INPP5E: variants seen among roughly 807,000 people sequenced by gnomAD.
The protein encoded by INPP5E is phosphatidylinositol polyphosphate 5-phosphatase type IV.
A neutral mutation model predicts 50.5 loss-of-function variants in INPP5E; 34 were observed. The observed-to-expected ratio is 0.67, with a 90% CI of 0.51 to 0.90. The LOEUF is 0.90. Among genes scored for constraint, INPP5E ranks in the 40% least tolerant of loss-of-function variants. The pLI is 0.00. For missense variants in INPP5E, 942 were observed against 905.5 expected (o/e 1.04, Z -0.52); for synonymous variants, 447 against 406.0 (o/e 1.10, Z -1.21).
chr9:136,432,513 A>G lies in INPP5E; in HGVS notation c.1353T>C (p.Asn451=). 2 of 1,551,652 alleles carry G rather than the reference A, an allele frequency of 1.3e-6. No individual in the cohort carries two copies. Among genetic ancestry groups the G allele is most frequent in the Non-Finnish European group, 1.7e-6 (2 of 1,147,358 alleles). Residue 451 remains asparagine, a synonymous_variant, in exon 6 of 10, where the codon AAT becomes AAC. Coordinates refer to ENST00000371712, the MANE Select transcript of INPP5E (RefSeq NM_019892.6). The stretch of plus-strand genomic sequence containing the variant: ...AGCGATAGGGGTTGGTGTCGGGCAC[A>G]TTTCTGGGCAGGACCAGGGCTTGTA... ...RTVQALVLPR[N]VPDTNPYRSS...
Position 136,434,120 on chromosome 9 carries a change from G to A in INPP5E, c.951C>T (p.Ser317=). 6.2e-7 allele frequency: 1 copy of A among 1,608,378 alleles called. No homozygotes were observed. Among genetic ancestry groups the A allele is most frequent in the South Asian group, 1.1e-5 (1 of 90,314 alleles). ...CGGCTGGGAGCAGGAACTCGTCCAG[G>A]CTGGGCGGGAGCTCCTGGAAGGAGG... The part of the protein sequence containing the change: ...NMQGQKELPP[S]LDEFLLPAEA... Residue 317 remains serine (S), a synonymous_variant, in exon 3 of 10, where the codon AGC becomes AGT. Coordinates refer to ENST00000371712, the MANE Select transcript of INPP5E (RefSeq NM_019892.6).
In INPP5E at chr9:136,432,866, C is replaced by A. The variant is rs888637785; in HGVS notation, c.1279+90G>T. On this transcript the variant is annotated intron_variant, in intron 5 of 9. Transcript: ENST00000371712. The stretch of plus-strand genomic sequence containing the variant: ...GGCCCTGGGTGGAAGATGAAGCCAG[C>A]GGTCAGGACCCCTGCCTTGGACAGG... The A allele has an allele frequency of 1.4e-4, 216 of 1,491,562 alleles. 1 individual carries two copies. In the East Asian group the frequency reaches 5.2e-3, roughly 36 times the overall value. The allele number at this position is 1,491,562 out of a possible 1,614,324, so 92.4% of individuals were successfully genotyped here. A position where few individuals can be genotyped will look rare whatever the true frequency, so the allele number is the denominator to read the frequency against.
chr9:136,432,835 C>G, intron 5 of INPP5E, 121 bp downstream of exon 5: 1 of 1,345,462 alleles, frequency 7.4e-7, no homozygotes, highest in African/African-American at 1.4e-5. Context: ...GTGGTGCCCA[C>G]CCCACGGCCC....
In INPP5E at chr9:136,439,661, G is replaced by T. The variant is rs1196871880; in HGVS notation, c.-242C>A. On this transcript the variant is annotated 5_prime_UTR_variant, in exon 1 of 10. Coordinates refer to ENST00000371712, the MANE Select transcript of INPP5E (RefSeq NM_019892.6). ...GGCGGTCCGCAGGCAAGGCCTGGGG[G>T]AACAGGCGGCTGGGCGCCTGTCGCG... The T allele has an allele frequency of 8.8e-6, 3 of 341,850 alleles. No individual in the cohort carries two copies. The highest frequency in any genetic ancestry group is 4.4e-5 in the East Asian group (1 of 22,618). 21.2% of individuals were successfully genotyped at this position (341,850 alleles called of 1,614,324 possible).
intron 6 of INPP5E, 77 bp from the exon 7 acceptor site, chr9:136,432,062 G>GGA: frequency 6.3e-7 from 1 of 1,581,052 alleles, no homozygotes; most frequent in Non-Finnish European, 8.7e-7. Flanking sequence ...CATGGCCTGG[G>GGA]AGTGGCTCTC....
rs1022525904 is a variant in INPP5E, at chr9:136,431,192, C to T, written c.1550-75G>A. 3.5e-5 allele frequency: 31 copies of T among 897,822 alleles called. 1 individual carries two copies. Among genetic ancestry groups the T allele is most frequent in the Middle Eastern group, 2.9e-4 (1 of 3,404 alleles). The allele number at this position is 897,822 out of a possible 1,614,324, so 55.6% of individuals were successfully genotyped here. On this transcript the variant is annotated intron_variant, in intron 7 of 9. Transcript: ENST00000371712. ...GCCGCACCCCAGGCCCTCACCTCTC[C>T]TCATCTCCCACCACGCCCACCCTCC...
Position 136,439,387 on chromosome 9 carries a change from G to C in INPP5E, c.33C>G (p.Ser11=), listed in dbSNP as rs79161998. ...CTTCCGGCGGCTGCGGGGCCGGCTC[G>C]GAGGGCCGCAGATTCTCCGCCTTGG... The part of the protein sequence containing the change: MPSKAENLRP[S]EPAPQPPEGR... The change falls in exon 1 of 10, where the codon TCC becomes TCG. Residue 11 remains serine (S), a synonymous_variant. Coordinates refer to ENST00000371712, the MANE Select transcript of INPP5E (RefSeq NM_019892.6). 6,678 of 1,463,608 alleles carry C rather than the reference G, an allele frequency of 4.6e-3. 272 individuals are homozygous for C. In the African/African-American group the frequency reaches 0.08, roughly 17 times the overall value. The allele number at this position is 1,463,608 out of a possible 1,614,324, so 90.7% of individuals were successfully genotyped here.
At position 136,438,852 on chromosome 9, in the gene INPP5E, G is replaced by A; in HGVS notation, c.568C>T (p.Pro190Ser). The A allele has an allele frequency of 1.9e-6, 3 of 1,603,300 alleles. No individual in the cohort carries two copies. The highest frequency in any genetic ancestry group is 1.7e-6 in the Non-Finnish European group (2 of 1,175,614). ...CTCAGGGCAGGCGGTGGGCGCGGGG[G>A]CAGCAGGCTGGGCAGCCTGGGCGAG... ...GSSPRLPSLL[P>S]PRPPPALSLD... Residue 190 changes from proline (P) to serine (S), a missense_variant, in exon 1 of 10, where the codon CCC (proline) becomes TCC (serine). Coordinates refer to ENST00000371712, the MANE Select transcript of INPP5E (RefSeq NM_019892.6).
In INPP5E at chr9:136,439,083, TG is replaced by T. The variant is rs1381307562; in HGVS notation, c.336del (p.Arg113GlyfsTer21). On this transcript the variant is annotated frameshift_variant, in exon 1 of 10. Coordinates refer to ENST00000371712, the MANE Select transcript of INPP5E (RefSeq NM_019892.6). LOFTEE classifies it high-confidence loss of function. ...GGGCCCTCGCTCTGCACTGAGCCCCTGGAGGGACTGGTCCCATTCCGGGCTT... is the reference window on the plus strand; with the variant it reads ...GGGCCCTCGCTCTGCACTGAGCCCCTGAGGGACTGGTCCCATTCCGGGCTT... ...DLEARNGTSP[S>X]RGSVQSEGPG... The T allele has an allele frequency of 6.4e-7, 1 of 1,573,834 alleles. No homozygotes were observed. Among genetic ancestry groups the T allele is most frequent in the Non-Finnish European group, 8.6e-7 (1 of 1,160,828 alleles).
Position 136,439,425 on chromosome 9 carries a change from G to C in INPP5E, c.-6C>G. The stretch of plus-strand genomic sequence containing the variant: ...TTCTCCGCCTTGGACGGCATGGACG[G>C]TCTCTCCCGGGGCAGGCCTCGGCGC... On this transcript the variant is annotated 5_prime_UTR_variant, in exon 1 of 10. Transcript: ENST00000371712. 1.4e-6 allele frequency: 2 copies of C among 1,463,886 alleles called. No individual in the cohort carries two copies. The highest frequency in any genetic ancestry group is 1.8e-6 in the Non-Finnish European group (2 of 1,113,426). 90.7% of individuals were successfully genotyped at this position (1,463,886 alleles called of 1,614,324 possible).
At chr9:136,437,490 A>G (rs1210465664) in intron 1 of INPP5E, 1 of 152,564 alleles carries the variant, frequency 6.6e-6, no homozygotes, top group Non-Finnish European at 1.5e-5. Flanking sequence ...TGCGGCCACA[A>G]GCCAAGGAAC....
chr9:136,439,033 G>C lies in INPP5E; in HGVS notation c.387C>G (p.Ser129=), dbSNP rs780895601. Reference sequence around the variant, plus strand: ...GCAAGGAGGTGCTCAGGCAGGGCGGGGAGCAGCTGTGGGCGGGGGCCCCGG... The same window carrying C: ...GCAAGGAGGTGCTCAGGCAGGGCGGCGAGCAGCTGTGGGCGGGGGCCCCGG... ...EGPGAPAHSC[S]PPCLSTSLQE... Residue 129 remains serine, a synonymous_variant, in exon 1 of 10, where the codon TCC becomes TCG. Transcript: ENST00000371712. 11 of 1,582,898 alleles carry C rather than the reference G, an allele frequency of 6.9e-6. No individual in the cohort carries two copies. Among genetic ancestry groups the C allele is most frequent in the Non-Finnish European group, 9.4e-6 (11 of 1,165,242 alleles).
rs767855660 is a variant in INPP5E, at chr9:136,433,278, G to T, written c.1036C>A (p.Arg346=). Residue 346 remains arginine, a splice_region_variant and synonymous_variant, in exon 4 of 10, where the codon CGG becomes AGG. Transcript: ENST00000371712. ...TCCTGCAGACGAGTCTCCCACTCCC[G>T]CCTGCAGAGGAGGAAGCACGGCCGG... The part of the protein sequence containing the change: ...IGVQEGCSDR[R]EWETRLQETL... 1 of 1,581,796 alleles carries T rather than the reference G, an allele frequency of 6.3e-7. No individual in the cohort carries two copies. The highest frequency in any genetic ancestry group is 8.5e-7 in the Non-Finnish European group (1 of 1,170,954).
At chr9:136,437,751 T>G (rs1421821672) in intron 1 of INPP5E, 2 of 152,692 alleles carry the variant, frequency 1.3e-5, no homozygotes, top group African/African-American at 4.8e-5. Context: ...AGACAAGACT[T>G]GGGCACCATG....
intron 3 of INPP5E, among the ~76,000 whole-genome samples, chr9:136,433,796 C>T (rs1162204873): frequency 3.3e-5 from 5 of 152,244 alleles, no homozygotes; most frequent in African/African-American, 1.2e-4. Context: ...GGAGGCTGCC[C>T]GTGCCCGGCC....
At position 136,439,136 on chromosome 9, in the gene INPP5E, C is replaced by T. The variant is rs192637923; in HGVS notation, c.284G>A (p.Arg95His). The T allele has an allele frequency of 6.9e-6, 11 of 1,583,998 alleles. No homozygotes were observed. The African/African-American group carries it at 1.3e-4, about 19-fold the overall frequency. ...SLDDKGWRRR[R>H]FRGSQEDLEA... ...CAGGTCCTCCTGGCTGCCTCGAAAA[C>T]GCCTCCTCCTCCAGCCCTTGTCGTC... Residue 95 changes from arginine (R) to histidine (H), a missense_variant, in exon 1 of 10, where the codon CGT (arginine) becomes CAT (histidine). Physicochemically the swap from Arg to His is conservative, Grantham distance 29. Transcript: ENST00000371712.
intron 5 of INPP5E, 38 bp from the exon 6 acceptor site, chr9:136,432,624 C>T (rs202027912): frequency 8.9e-6 from 12 of 1,350,494 alleles, no homozygotes; most frequent in East Asian, 2.5e-5. Context: ...CACAGGGTTC[C>T]GGATGCTCGA....
At position 136,432,435 on chromosome 9, in the gene INPP5E, C is replaced by T. The variant is rs200841519; in HGVS notation, c.1387+44G>A. ...CCTAAAAACGACGGGCGCCCGTGTG[C>T]GAACCACGGCGGCACCACCCACACG... On this transcript the variant is annotated intron_variant, in intron 6 of 9. Coordinates refer to ENST00000371712, the MANE Select transcript of INPP5E (RefSeq NM_019892.6). 3.4e-4 allele frequency: 457 copies of T among 1,356,096 alleles called. No individual in the cohort carries two copies. The African/African-American group carries it at 5.3e-3, about 16-fold the overall frequency. The allele number at this position is 1,356,096 out of a possible 1,614,324, so 84.0% of individuals were successfully genotyped here.
rs1835930116 is a variant in INPP5E at position 136,439,247 on chromosome 9, G to C, written c.173C>G (p.Pro58Arg). The change falls in exon 1 of 10, where the codon CCC becomes CGC. Residue 58 changes from proline (P) to arginine (R), a missense_variant. Pro to Arg is a moderately radical substitution (Grantham distance 103). Coordinates refer to ENST00000371712, the MANE Select transcript of INPP5E (RefSeq NM_019892.6). ...TCGGGCTGGCGGGTCCTCGCCGCTG[G>C]GCGTGGCCGGAGTGCTGCAGGCAAG... ...PALACSTPAT[P>R]SGEDPPARAA... is the part of the protein sequence containing the mutation. 1 of 1,516,348 alleles carries C rather than the reference G, an allele frequency of 6.6e-7. No homozygotes were observed. The highest frequency in any genetic ancestry group is 2.1e-5 in the Admixed American group (1 of 48,526). 93.9% of individuals were successfully genotyped at this position (1,516,348 alleles called of 1,614,324 possible).
Sources: gnomAD v4.1 joint callset for allele counts (sites outside exome capture counted in the v4.1 genomes callset) on GRCh38, gnomAD v4.1.1 for gene constraint, MANE v1.5 for transcripts, NCBI Gene and HGNC (gene_info 2026-07-23, HGNC 2026-07-21) for gene names.